The following MCM7 variants were observed in gnomAD, a reference collection of about 807,000 sequenced individuals.
The protein encoded by MCM7 is DNA replication licensing factor MCM7.
In MCM7, 95 loss-of-function variants were observed where a neutral mutation model predicts 83.5. The ratio of observed to expected loss-of-function variants is 1.14; its 90% confidence interval spans 0.96 to 1.35. The LOEUF (loss-of-function observed/expected upper bound fraction) is 1.35, where lower values mean the gene tolerates loss of function less well. MCM7 is among the 40% of genes most tolerant of loss of function. The pLI is 0.00. For synonymous variants in MCM7, 461 were observed against 352.7 expected, an observed-to-expected ratio of 1.31 and a Z score of -3.44; for missense variants, 1,087 against 957.4, an observed-to-expected ratio of 1.14 and a Z score of -1.79.
chr7:100,101,193 A>G, intron 1 of MCM7, 71 bp downstream of exon 1: 1 of 1,586,118 alleles, frequency 6.3e-7, no homozygotes, highest in Non-Finnish European at 8.6e-7. Flanking sequence ...CCAAGACCCC[A>G]GCTCACACCA....
intron 12 of MCM7, among the ~76,000 whole-genome samples, chr7:100,094,719 A>C (rs1795525603): frequency 6.6e-6 from 1 of 152,228 alleles, no homozygotes; most frequent in South Asian, 2.1e-4. Flanking sequence ...AACCGGAAAG[A>C]ACACTGGAGG....
chr7:100,093,120 C>G lies in MCM7; in HGVS notation c.1972G>C (p.Ala658Pro). ...CGGACGGTGGCAAATATCACATCTG[C>G]TGGTCTCTGAGTCCTGAAGGAAATG... Reference protein sequence around the residue: ...KGQTARTQRPADVIFATVREL... With the variant: ...KGQTARTQRPPDVIFATVREL... Residue 658 changes from alanine to proline, a missense_variant, in exon 15 of 15, where the codon GCA becomes CCA. By Grantham distance (27) the Ala-to-Pro change is conservative (BLOSUM62 -1). Transcript: ENST00000303887. 6.2e-7 allele frequency: 1 copy of G among 1,613,920 alleles called. No homozygotes were observed. Among genetic ancestry groups the G allele is most frequent in the South Asian group, 1.1e-5 (1 of 91,052 alleles).
Position 100,092,878 on chromosome 7 carries a change from A to G in MCM7, c.*54T>C, listed in dbSNP as rs578138584. 10 of 1,601,028 alleles carry G rather than the reference A, an allele frequency of 6.2e-6. No individual in the cohort carries two copies. In the East Asian group the frequency reaches 2.2e-4, roughly 36 times the overall value. ...CTCAAAGGCATCACTGCCCCTTCCCAAGGGGCAGGCCAGCAGGGAACAAGA... is the reference window on the plus strand; with the variant it reads ...CTCAAAGGCATCACTGCCCCTTCCCGAGGGGCAGGCCAGCAGGGAACAAGA... On this transcript the variant is annotated 3_prime_UTR_variant, in exon 15 of 15. Transcript: ENST00000303887.
intron 1 of MCM7, chr7:100,100,656 C>T (rs1795941919): frequency 2.0e-6 from 2 of 990,494 alleles, no homozygotes; most frequent in Non-Finnish European, 1.2e-6. Flanking sequence ...CCCACTGCCG[C>T]CTTTCCCGGG....
intron 6 of MCM7, 51 bp from the exon 7 acceptor site, chr7:100,098,341 C>G (rs368036446): frequency 7.5e-6 from 12 of 1,596,322 alleles, no homozygotes; most frequent in Non-Finnish European, 9.4e-6. Flanking sequence ...AAGGACCCAA[C>G]CTTCCCTCCC....
intron 10 of MCM7, among the ~76,000 whole-genome samples, chr7:100,097,028 G>A (rs1795673602): frequency 1.3e-5 from 2 of 152,212 alleles, no homozygotes; most frequent in Admixed American, 1.3e-4. Context: ...GTGACCCCAG[G>A]AGGTGGAGCT....
At position 100,096,646 on chromosome 7, in the gene MCM7, G is replaced by A. The variant is rs373048374; in HGVS notation, c.1202-479C>T. Among the ~76,000 whole-genome samples the A allele has an allele frequency of 5.9e-5, 9 of 152,176 alleles. No homozygotes were observed. In the East Asian group the frequency reaches 7.7e-4, roughly 13 times the overall value. On this transcript the variant is annotated intron_variant, in intron 10 of 14. Coordinates refer to ENST00000303887, the MANE Select transcript of MCM7 (RefSeq NM_005916.5). ...AAAAAGTGGCCAAGTGTGGTGGCACGCGCCTGTAGTCCCAGCTACTCGGGA... is the reference window on the plus strand; with the variant it reads ...AAAAAGTGGCCAAGTGTGGTGGCACACGCCTGTAGTCCCAGCTACTCGGGA...
At chr7:100,098,546 C>T in intron 6 of MCM7, 32 bp downstream of exon 6, 2 of 1,612,796 alleles carry the variant, frequency 1.2e-6, no homozygotes, top group Admixed American at 1.7e-5. Context: ...ACTCCCGATC[C>T]ACCTGCCCAG....
At chr7:100,093,881 G>A (rs776585881) in intron 13 of MCM7, 4 of 664,832 alleles carry the variant, frequency 6.0e-6, no homozygotes, top group Non-Finnish European at 1.2e-5. Context: ...CAGAAAGGAA[G>A]GTCTGTAGCA....
At position 100,097,952 on chromosome 7, in the gene MCM7, G is replaced by C. The variant is rs1484312080; in HGVS notation, c.871-4C>G. On this transcript the variant is annotated splice_polypyrimidine_tract_variant and splice_region_variant and intron_variant, in intron 7 of 14. Transcript: ENST00000303887. Reference sequence around the variant, plus strand: ...GGTAGGTTTCTGAGAGTAAACCCTTGGGCAGGAAAATGCCAGGATACAGAT... The same window carrying C: ...GGTAGGTTTCTGAGAGTAAACCCTTCGGCAGGAAAATGCCAGGATACAGAT... 1.9e-6 allele frequency: 3 copies of C among 1,613,316 alleles called. No individual in the cohort carries two copies. Among genetic ancestry groups the C allele is most frequent in the Non-Finnish European group, 2.5e-6 (3 of 1,179,476 alleles).
chr7:100,100,077 G>A lies in MCM7; in HGVS notation c.48C>T (p.Phe16=), dbSNP rs1795881678. Reference sequence around the variant, plus strand: ...CATCATCCTGGTAGAACTCTTGTAAGAACTTCTTAACCTTTTCTGTAACAT... The same window carrying A: ...CATCATCCTGGTAGAACTCTTGTAAAAACTTCTTAACCTTTTCTGTAACAT... ...YALEKEKVKK[F]LQEFYQDDEL... Residue 16 remains phenylalanine (F), a synonymous_variant, in exon 2 of 15, where the codon TTC becomes TTT. Coordinates refer to ENST00000303887, the MANE Select transcript of MCM7 (RefSeq NM_005916.5). 1 of 1,614,046 alleles carries A rather than the reference G, an allele frequency of 6.2e-7. No individual in the cohort carries two copies. Among genetic ancestry groups the A allele is most frequent in the Middle Eastern group, 1.6e-4 (1 of 6,062 alleles).
intron 1 of MCM7, chr7:100,100,599 G>A (rs937299791): frequency 1.4e-5 from 14 of 989,662 alleles, no homozygotes; most frequent in Non-Finnish European, 1.3e-5. Context: ...CAGGGCGGGA[G>A]CCAGTCCAGC....
intron 3 of MCM7, 29 bp from the exon 4 acceptor site, chr7:100,099,432 A>AAAAAAAAAAAAAAAAAAAAAAC: frequency 6.3e-7 from 1 of 1,587,930 alleles, no homozygotes; most frequent in Non-Finnish European, 8.5e-7. Flanking sequence ...AAAAAAAAAA[A>AAAAAAAAAAAAAAAAAAAAAAC]AAAAGAGCAA....
At chr7:100,093,200 A>C in intron 14 of MCM7, 67 bp from the exon 15 acceptor site, 1 of 1,597,462 alleles carries the variant, frequency 6.3e-7, no homozygotes, top group Non-Finnish European at 8.6e-7. Flanking sequence ...AACAGAGAAC[A>C]ATGGTGGCCA....
intron 3 of MCM7, 21 bp downstream of exon 3, chr7:100,099,568 C>T (rs1795834748): frequency 2.5e-6 from 4 of 1,611,720 alleles, no homozygotes; most frequent in Admixed American, 1.7e-5. Flanking sequence ...CTTTGTTTGC[C>T]ATTGTTCTCT....
At position 100,097,301 on chromosome 7, in the gene MCM7, T is replaced by A. The variant is rs1370236046; in HGVS notation, c.1201A>T (p.Ser401Cys). 1 of 1,614,004 alleles carries A rather than the reference T, an allele frequency of 6.2e-7. No individual in the cohort carries two copies. Among genetic ancestry groups the A allele is most frequent in the Admixed American group, 1.7e-5 (1 of 60,010 alleles). ...CCTCCCGCAAAGCCCAACTACTTAC[T>A]GCGAGGCGCCAGTCGATCAATGTAT... Reference protein sequence around the residue: ...LSYIDRLAPRSQYTTGRGSSG... With the variant: ...LSYIDRLAPRCQYTTGRGSSG... The change falls in exon 10 of 15, where the codon AGC becomes TGC. Residue 401 changes from serine (S) to cysteine (C), a missense_variant and splice_region_variant. Coordinates refer to ENST00000303887, the MANE Select transcript of MCM7 (RefSeq NM_005916.5).
Position 100,096,028 on chromosome 7 carries a change from G to A in MCM7, c.1341C>T (p.Phe447=), listed in dbSNP as rs150968866. Residue 447 remains phenylalanine, a synonymous_variant, in exon 11 of 15, where the codon TTC becomes TTT. Transcript: ENST00000303887. ...ADQGVCCIDE[F]DKMAEADRTA... Reference sequence around the variant, plus strand: ...TGCGGTCGGCCTCAGCCATCTTGTCGAACTCATCAATGCAGCACACACCCT... The same window carrying A: ...TGCGGTCGGCCTCAGCCATCTTGTCAAACTCATCAATGCAGCACACACCCT... 116 of 1,613,758 alleles carry A rather than the reference G, an allele frequency of 7.2e-5. No homozygotes were observed. Among genetic ancestry groups the A allele is most frequent in the Middle Eastern group, 1.6e-4 (1 of 6,082 alleles).
intron 1 of MCM7, chr7:100,100,879 G>C (rs930460875): frequency 1.0e-5 from 11 of 1,051,884 alleles, no homozygotes; most frequent in African/African-American, 1.7e-5. Flanking sequence ...ACGCGCGCCT[G>C]GGGAGGGCGC....
chr7:100,098,164 T>A lies in MCM7; in HGVS notation c.847A>T (p.Thr283Ser). Residue 283 changes from threonine (T) to serine (S), a missense_variant, in exon 7 of 15, where the codon ACT becomes TCT. By Grantham distance (58) the Thr-to-Ser change is moderately conservative. Coordinates refer to ENST00000303887, the MANE Select transcript of MCM7 (RefSeq NM_005916.5). ...VTGIFLPILRTGFRQVVQGLL... is the reference protein window; with the variant it reads ...VTGIFLPILRSGFRQVVQGLL... ...ACCTGTACCACCTGTCGGAACCCAG[T>A]GCGCAGGATTGGCAAGAAAATACCA... 6.2e-7 allele frequency: 1 copy of A among 1,614,134 alleles called. No homozygotes were observed. The highest frequency in any genetic ancestry group is 8.5e-7 in the Non-Finnish European group (1 of 1,180,008).
Sources: allele counts gnomAD v4.1 joint callset (sites outside exome capture counted in the v4.1 genomes callset), GRCh38; gene constraint gnomAD v4.1.1; transcripts MANE v1.5; gene names NCBI Gene and HGNC (gene_info 2026-07-23, HGNC 2026-07-21).